The following SWAP70 variants were observed in gnomAD, a reference collection of about 807,000 sequenced individuals.
SWAP70 encodes the protein switching B cell complex subunit SWAP70, also known as switch-associated protein 70.
SWAP70 carries 34 observed loss-of-function variants against 80.2 expected under a neutral mutation model. That is an observed-to-expected ratio of 0.42 (90% CI 0.32 to 0.56). The LOEUF (loss-of-function observed/expected upper bound fraction) is 0.56. SWAP70 is among the 20% of genes least tolerant of loss of function. The pLI is 0.09. For missense variants in SWAP70, 578 were observed against 690.7 expected (o/e 0.84, Z 1.83); for synonymous variants, 239 against 238.5 (o/e 1.00, Z -0.02).
At chr11:9,707,714 C>G (rs1013653871) in intron 2 of SWAP70, among the ~76,000 whole-genome samples, 1 of 151,784 alleles carries the variant, frequency 6.6e-6, no homozygotes, top group African/African-American at 2.4e-5. Flanking sequence ...TGCCACCATG[C>G]CTGGCTAATT....
chr11:9,713,683 T>C (rs544670975), intron 3 of SWAP70, 44 bp downstream of exon 3: 34 of 1,571,554 alleles, frequency 2.2e-5, no homozygotes, highest in Non-Finnish European at 2.8e-5. Flanking sequence ...ATTTTAGCAT[T>C]TAATAGACCT....
intron 2 of SWAP70, among the ~76,000 whole-genome samples, chr11:9,695,131 A>C (rs965976619): frequency 1.3e-5 from 2 of 152,150 alleles, no homozygotes. Context: ...TCTATTAAAA[A>C]TACAAAAATT....
rs1231288382 is a variant in SWAP70 at position 9,664,165 on chromosome 11, A to C, written c.-15A>C. 4 of 1,558,810 alleles carry C rather than the reference A, an allele frequency of 2.6e-6. No homozygotes were observed. Among genetic ancestry groups the C allele is most frequent in the South Asian group, 2.4e-5 (2 of 83,978 alleles). ...GCTGGGCAGGAGGGGTTGGCGGGGC[A>C]GCAGGGCCGCGGCCATGGGGAGCTT... On this transcript the variant is annotated 5_prime_UTR_variant, in exon 1 of 12. Coordinates refer to ENST00000318950, the MANE Select transcript of SWAP70 (RefSeq NM_015055.4).
intron 2 of SWAP70, among the ~76,000 whole-genome samples, chr11:9,707,522 C>A (rs1850930917): frequency 6.7e-6 from 1 of 149,934 alleles, no homozygotes; most frequent in Non-Finnish European, 1.5e-5. Context: ...AATAATACTT[C>A]ATTGTATGTA....
chr11:9,726,794 C>G (rs1851230619), intron 4 of SWAP70: 2 of 437,188 alleles, frequency 4.6e-6, no homozygotes, highest in African/African-American at 2.0e-5. Context: ...ACATTTGAGT[C>G]ACACACCTTT....
intron 5 of SWAP70, 26 bp from the exon 6 acceptor site, chr11:9,729,317 G>C: frequency 7.1e-7 from 1 of 1,413,214 alleles, no homozygotes; most frequent in Non-Finnish European, 9.9e-7. Flanking sequence ...AAAATTTTGA[G>C]GAACTAATTT....
intron 1 of SWAP70, among the ~76,000 whole-genome samples, chr11:9,677,091 C>G (rs1000586426): frequency 2.5e-4 from 38 of 151,424 alleles, no homozygotes; most frequent in African/African-American, 8.5e-4. Flanking sequence ...GGATTCTATA[C>G]TCTCTAATAA....
At chr11:9,693,814 C>T (rs1328441457) in intron 1 of SWAP70, among the ~76,000 whole-genome samples, 3 of 152,026 alleles carry the variant, frequency 2.0e-5, no homozygotes, top group Non-Finnish European at 4.4e-5. Context: ...AACACATTCT[C>T]TTAGACTTCC....
At position 9,750,032 on chromosome 11, in the gene SWAP70, A is replaced by C. The variant is rs1851565285; in HGVS notation, c.*62A>C. On this transcript the variant is annotated 3_prime_UTR_variant, in exon 12 of 12. Coordinates refer to ENST00000318950, the MANE Select transcript of SWAP70 (RefSeq NM_015055.4). ...CTGCATGGCAGGAGAGCTTTACGCT[A>C]AAGACAAAAGAAACAGCTTTGGGGG... 2 of 1,213,832 alleles carry C rather than the reference A, an allele frequency of 1.6e-6. No homozygotes were observed. Among genetic ancestry groups the C allele is most frequent in the Non-Finnish European group, 2.4e-6 (2 of 828,952 alleles). The allele number at this position is 1,213,832 out of a possible 1,614,324, so 75.2% of individuals were successfully genotyped here.
chr11:9,703,025 A>G (rs565595251), intron 2 of SWAP70, among the ~76,000 whole-genome samples: 2 of 152,212 alleles, frequency 1.3e-5, no homozygotes, highest in South Asian at 4.1e-4. Flanking sequence ...ACCACAATTG[A>G]TTTTAGAATA....
chr11:9,739,807 GT>G (rs1439364642), intron 8 of SWAP70, among the ~76,000 whole-genome samples: 5 of 152,154 alleles, frequency 3.3e-5, no homozygotes, highest in African/African-American at 9.7e-5. Flanking sequence ...CTGGGAAAAG[GT>G]TCGTTCCTTT....
rs74398682 is a variant in SWAP70, at chr11:9,730,004, T to C, written c.898+553T>C. ...TAAATAGATTTTGGGGTTGCAAGTATAGTTCTGCTACAGTGATATATTGTG... is the reference window on the plus strand; with the variant it reads ...TAAATAGATTTTGGGGTTGCAAGTACAGTTCTGCTACAGTGATATATTGTG... On this transcript the variant is annotated intron_variant, in intron 6 of 11. Coordinates refer to ENST00000318950, the MANE Select transcript of SWAP70 (RefSeq NM_015055.4). 4.2e-3 allele frequency among the ~76,000 whole-genome samples: 639 copies of C among 152,342 alleles called. 6 individuals are homozygous for C. The highest frequency in any genetic ancestry group is 0.014 in the African/African-American group (587 of 41,576).
intron 9 of SWAP70, among the ~76,000 whole-genome samples, chr11:9,743,396 A>G (rs996234332): frequency 1.3e-5 from 2 of 151,992 alleles, no homozygotes; most frequent in Non-Finnish European, 2.9e-5. Flanking sequence ...ATGATTTATA[A>G]TCCTTTGGGT....
chr11:9,686,344 C>CTTATTTATTTATTTATTTAT (rs139472434), intron 1 of SWAP70, among the ~76,000 whole-genome samples: 5,705 of 143,822 alleles, frequency 0.04, 141 homozygotes, highest in Middle Eastern at 0.093. Context: ...CTTTTATTTT[C>CTTATTTATTTATTTATTTAT]TTATTTATTT....
intron 1 of SWAP70, among the ~76,000 whole-genome samples, chr11:9,677,886 C>CT (rs796761775): frequency 6.6e-6 from 1 of 151,838 alleles, no homozygotes; most frequent in South Asian, 2.1e-4. Context: ...CAACTAAAAT[C>CT]TTTTTTTAGT....
chr11:9,727,002 G>T, intron 4 of SWAP70: 1 of 455,870 alleles, frequency 2.2e-6, no homozygotes, highest in Non-Finnish European at 4.4e-6. Flanking sequence ...TGGTTTAGAA[G>T]ATATATGTGG....
intron 7 of SWAP70, among the ~76,000 whole-genome samples, chr11:9,737,295 C>T (rs962131855): frequency 6.6e-6 from 1 of 152,158 alleles, no homozygotes; most frequent in Admixed American, 6.5e-5. Flanking sequence ...GAGCTTTCTT[C>T]TCACTGACAC....
chr11:9,724,954 C>T (rs1004715826), intron 4 of SWAP70, 69 bp downstream of exon 4: 1 of 1,134,784 alleles, frequency 8.8e-7, no homozygotes, highest in Non-Finnish European at 1.3e-6. Flanking sequence ...ATATTTTTGT[C>T]ACAAAGATGA....
intron 9 of SWAP70, among the ~76,000 whole-genome samples, chr11:9,742,912 A>G (rs922174883): frequency 6.2e-4 from 85 of 136,108 alleles, no homozygotes; most frequent in African/African-American, 2.1e-3. Flanking sequence ...TTTTATTATT[A>G]TTATACTTTA....
Sources: allele counts gnomAD v4.1 joint callset (sites outside exome capture counted in the v4.1 genomes callset), GRCh38; gene constraint gnomAD v4.1.1; transcripts MANE v1.5; gene names NCBI Gene and HGNC (gene_info 2026-07-23, HGNC 2026-07-21).